The following SLC35F3 variants were observed in gnomAD, a reference collection of about 807,000 sequenced individuals.
SLC35F3 encodes solute carrier family 35 member F3.
Under a neutral mutation model 49.9 loss-of-function variants are expected in SLC35F3, and 25 were observed. The ratio of observed to expected loss-of-function variants is 0.50; its 90% CI spans 0.37 to 0.70. SLC35F3 has a LOEUF of 0.70. SLC35F3 is among the 30% of genes least tolerant of loss of function. The pLI, the probability that SLC35F3 is intolerant of heterozygous loss-of-function variation, is 0.00. For synonymous variants in SLC35F3, 275 were observed against 265.4 expected (o/e 1.04, Z -0.35); for missense variants, 525 against 639.8 (o/e 0.82, Z 1.94).
intron 3 of SLC35F3, among the ~76,000 whole-genome samples, chr1:234,294,605 T>C (rs983166262): frequency 2.0e-5 from 3 of 152,330 alleles, no homozygotes; most frequent in South Asian, 4.1e-4. Context: ...AGTTTTAAGA[T>C]ACCCACTTGC....
At chr1:234,257,819 A>G (rs1222681687) in intron 3 of SLC35F3, among the ~76,000 whole-genome samples, 1 of 152,212 alleles carries the variant, frequency 6.6e-6, no homozygotes, top group Non-Finnish European at 1.5e-5. Flanking sequence ...ACAAGGTTGA[A>G]ATGATCAGCC....
At chr1:234,074,302 C>G (rs1254028580) in intron 2 of SLC35F3, among the ~76,000 whole-genome samples, 2 of 152,202 alleles carry the variant, frequency 1.3e-5, no homozygotes, top group Non-Finnish European at 2.9e-5. Flanking sequence ...ACTTCTTTCT[C>G]TTTTGACTTC....
rs1667088305 is a variant in SLC35F3, at chr1:234,214,362, G to A, written c.284-17055G>A. 2.2e-6 allele frequency: 3 copies of A among 1,345,554 alleles called. No homozygotes were observed. The highest frequency in any genetic ancestry group is 2.9e-6 in the Non-Finnish European group (3 of 1,049,780). The allele number at this position is 1,345,554 out of a possible 1,614,324, so 83.4% of individuals were successfully genotyped here. ...GCCCGGCGGGCAGCCGGGGAGGCCG[G>A]GACTGAGAGGGGCGAGCCGCTGGTG... is the stretch of plus-strand genomic sequence containing the variant. On this transcript the variant is annotated intron_variant, in intron 2 of 7. Coordinates refer to ENST00000366618, the MANE Select transcript of SLC35F3 (RefSeq NM_173508.4). This position sits in a 1 kb window ranked among gnomAD's most constrained non-coding sequence, Gnocchi z 8.0.
intron 2 of SLC35F3, among the ~76,000 whole-genome samples, chr1:234,098,867 G>T (rs927627859): frequency 6.6e-6 from 1 of 151,434 alleles, no homozygotes; most frequent in Non-Finnish European, 1.5e-5. Flanking sequence ...TTCAGATGGC[G>T]GTGGTAGTGA....
At chr1:234,157,335 C>G (rs1666169681) in intron 2 of SLC35F3, among the ~76,000 whole-genome samples, 1 of 152,088 alleles carries the variant, frequency 6.6e-6, no homozygotes, top group Admixed American at 6.6e-5. Flanking sequence ...CGGAGTGACC[C>G]TTTTAAACAT....
intron 2 of SLC35F3, among the ~76,000 whole-genome samples, chr1:234,068,823 T>TA (rs1664658316): frequency 2.8e-5 from 2 of 71,154 alleles, no homozygotes; most frequent in African/African-American, 1.2e-4. Flanking sequence ...ATTTGAGACA[T>TA]TATATATATA....
At chr1:234,153,819 A>G (rs923910197) in intron 2 of SLC35F3, among the ~76,000 whole-genome samples, 1 of 152,002 alleles carries the variant, frequency 6.6e-6, no homozygotes, top group Non-Finnish European at 1.5e-5. Context: ...CACGCCTGTA[A>G]TCCCAGCACT....
chr1:233,925,944 A>G (rs1284895402), intron 2 of SLC35F3, among the ~76,000 whole-genome samples: 2 of 152,160 alleles, frequency 1.3e-5, no homozygotes, highest in Non-Finnish European at 1.5e-5. Context: ...TTTCTTTAAG[A>G]ATGTTGAATA....
chr1:234,247,666 A>C (rs1433991576), intron 3 of SLC35F3, among the ~76,000 whole-genome samples: 17 of 105,332 alleles, frequency 1.6e-4, no homozygotes, highest in South Asian at 1.2e-3. Flanking sequence ...TTGGCTGGTC[A>C]GTTGTTCTGT....
chr1:234,007,417 G>C (rs975535158), intron 2 of SLC35F3, among the ~76,000 whole-genome samples: 2 of 152,224 alleles, frequency 1.3e-5, no homozygotes, highest in Non-Finnish European at 2.9e-5. Flanking sequence ...TTCCTCCTGC[G>C]GAGAAGGGCC....
At chr1:233,951,696 T>A (rs535185064) in intron 2 of SLC35F3, among the ~76,000 whole-genome samples, 1 of 152,084 alleles carries the variant, frequency 6.6e-6, no homozygotes, top group African/African-American at 2.4e-5. Flanking sequence ...CCTTTCCACA[T>A]GTAGATGATT....
At chr1:234,322,020 AAAT>A (rs150010282) in intron 7 of SLC35F3, among the ~76,000 whole-genome samples, 5 of 150,938 alleles carry the variant, frequency 3.3e-5, no homozygotes, top group South Asian at 2.1e-4. Flanking sequence ...ATCTCTACAA[AAAT>A]AATAATAATA....
At chr1:234,126,476 C>CGTGTGTGTGTGTGTGTGTGTGTGTGT (rs147108235) in intron 2 of SLC35F3, among the ~76,000 whole-genome samples, 12,485 of 119,196 alleles carry the variant, frequency 0.1, 649 homozygotes, top group Middle Eastern at 0.15. Flanking sequence ...CCCTGTTTTA[C>CGTGTGTGTGTGTGTGTGTGTGTGTGT]ATGTGTGTGT....
chr1:234,207,397 T>TCCTC (rs763251292), intron 2 of SLC35F3, among the ~76,000 whole-genome samples: 5 of 16,304 alleles, frequency 3.1e-4, no homozygotes, highest in African/African-American at 9.1e-4. Flanking sequence ...CATCCTTCCT[T>TCCTC]CCTCCCTCCC....
intron 2 of SLC35F3, among the ~76,000 whole-genome samples, chr1:234,227,460 G>A (rs1397874528): frequency 7.0e-6 from 1 of 143,504 alleles, no homozygotes; most frequent in South Asian, 2.4e-4. Flanking sequence ...GTCCAGTGGC[G>A]CAATCTCGGC....
rs538322031 is a variant in SLC35F3, at chr1:234,282,743, T to G, written c.609-26358T>G. On this transcript the variant is annotated intron_variant, in intron 3 of 7. Transcript: ENST00000366618. Reference sequence around the variant, plus strand: ...TCCCCCATTTAGCTCCTGACCCAAATCCGAACTCCTCCTCTCTGGGCCTGG... The same window carrying G: ...TCCCCCATTTAGCTCCTGACCCAAAGCCGAACTCCTCCTCTCTGGGCCTGG... Among the ~76,000 whole-genome samples, 94 of 152,310 alleles carry G rather than the reference T, an allele frequency of 6.2e-4. 1 individual carries two copies. Among genetic ancestry groups the G allele is most frequent in the Middle Eastern group, 3.4e-3 (1 of 294 alleles).
Position 234,323,554 on chromosome 1 carries a change from G to A in SLC35F3, c.*311G>A. On this transcript the variant is annotated 3_prime_UTR_variant, in exon 8 of 8. Coordinates refer to ENST00000366618, the MANE Select transcript of SLC35F3 (RefSeq NM_173508.4). The surrounding 1 kb of genome is among the most constrained non-coding windows in gnomAD (Gnocchi z 4.5). ...CTTGACAAGCCAGCCATCAGGGCAA[G>A]TGTTTTGAATCTTAGCAAGTGTTTT... is the stretch of plus-strand genomic sequence containing the variant. The A allele has an allele frequency of 2.5e-6, 1 of 394,938 alleles. No individual in the cohort carries two copies. The highest frequency in any genetic ancestry group is 4.6e-6 in the Non-Finnish European group (1 of 216,948). The allele number at this position is 394,938 out of a possible 1,614,324, so 24.5% of individuals were successfully genotyped here. A position where few individuals can be genotyped will look rare whatever the true frequency, so the allele number is the denominator to read the frequency against.
intron 3 of SLC35F3, among the ~76,000 whole-genome samples, chr1:234,304,375 C>T (rs1046999831): frequency 6.6e-6 from 1 of 152,128 alleles, no homozygotes; most frequent in Non-Finnish European, 1.5e-5. Flanking sequence ...ATTGGCCAGG[C>T]TGGTCTTGAA....
At chr1:234,197,736 G>A (rs1429044352) in intron 2 of SLC35F3, among the ~76,000 whole-genome samples, 3 of 152,204 alleles carry the variant, frequency 2.0e-5, no homozygotes, top group Admixed American at 2.0e-4. Flanking sequence ...CTTGCAAAGT[G>A]GGGCATAGCA....
Sources: gnomAD v4.1 joint callset for allele counts (sites outside exome capture counted in the v4.1 genomes callset) on GRCh38, gnomAD v4.1.1 for gene constraint, Gnocchi (gnomAD v3.1) non-coding constraint, MANE v1.5 for transcripts, NCBI Gene and HGNC (gene_info 2026-07-23, HGNC 2026-07-21) for gene names.